Variants in IL1RAPL2 observed in about 807,000 individuals in gnomAD.
IL1RAPL2 encodes X-linked interleukin-1 receptor accessory protein-like 2.
A neutral mutation model predicts 44.1 loss-of-function variants in IL1RAPL2; 3 were observed. That is an observed-to-expected ratio of 0.07 (90% CI 0.03 to 0.18). The LOEUF (loss-of-function observed/expected upper bound fraction) is 0.18. Ranked by LOEUF, IL1RAPL2 falls within the 10% of genes least tolerant of loss-of-function variation. IL1RAPL2 has a pLI of 1.00. For synonymous variants in IL1RAPL2, 181 were observed against 178.8 expected, an observed-to-expected ratio of 1.01 and a Z score of -0.10; for missense variants, 391 against 496.4, an observed-to-expected ratio of 0.79 and a Z score of 2.02.
chrX:105,061,253 T>C (rs1205616260), intron 2 of IL1RAPL2, among the ~76,000 whole-genome samples: 4 of 111,612 alleles, frequency 3.6e-5, no homozygotes, highest in Non-Finnish European at 1.9e-5. Flanking sequence ...TTTTCATTTG[T>C]CTCAAGAAAT....
At chrX:105,320,946 T>C (rs1406595819) in intron 5 of IL1RAPL2, among the ~76,000 whole-genome samples, 2 of 111,409 alleles carry the variant, frequency 1.8e-5, no homozygotes, top group Non-Finnish European at 3.8e-5. Context: ...GGAAAATCTT[T>C]CCAGTCTCTG....
chrX:105,103,867 G>A (rs1166791486), intron 2 of IL1RAPL2, among the ~76,000 whole-genome samples: 1 of 111,924 alleles, frequency 8.9e-6, no homozygotes, highest in Non-Finnish European at 1.9e-5. Flanking sequence ...AGGGTAAGCT[G>A]AAGATAAAGG....
chrX:104,893,500 G>C (rs754737161), intron 2 of IL1RAPL2, among the ~76,000 whole-genome samples: 1 of 111,826 alleles, frequency 8.9e-6, no homozygotes, highest in South Asian at 3.8e-4. Context: ...ATTTAGGATA[G>C]TTAGCTCTTC....
chrX:105,491,720 T>G (rs1163734552), intron 6 of IL1RAPL2, among the ~76,000 whole-genome samples: 2 of 111,996 alleles, frequency 1.8e-5, no homozygotes, highest in Non-Finnish European at 3.8e-5. Flanking sequence ...ATTGCCCAGA[T>G]CATATACCAT....
rs1027425904 is a variant in IL1RAPL2, at chrX:105,199,244, G to A, written c.356+3496G>A. Among the ~76,000 whole-genome samples, 6 of 108,921 alleles carry A rather than the reference G, an allele frequency of 5.5e-5. No individual in the cohort carries two copies. The South Asian group carries it at 1.6e-3, about 28-fold the overall frequency. The allele number at this position is 108,921 out of a possible 115,157, so 94.6% of individuals were successfully genotyped here. On this transcript the variant is annotated intron_variant, in intron 3 of 10. Transcript: ENST00000372582. Reference sequence around the variant, plus strand: ...TGCTCAGATTCTTCCACCTTTGCCCGTGGGAAGCTCTTTCAGTTGGCTCAT... The same window carrying A: ...TGCTCAGATTCTTCCACCTTTGCCCATGGGAAGCTCTTTCAGTTGGCTCAT...
intron 5 of IL1RAPL2, among the ~76,000 whole-genome samples, chrX:105,344,378 T>C (rs1246922875): frequency 8.9e-6 from 1 of 111,876 alleles, no homozygotes; most frequent in Non-Finnish European, 1.9e-5. Context: ...TCTTTGGGAC[T>C]CAGCTTTCCT....
At chrX:105,493,614 G>A (rs2036336535) in intron 6 of IL1RAPL2, among the ~76,000 whole-genome samples, 3 of 110,998 alleles carry the variant, frequency 2.7e-5, no homozygotes, top group Admixed American at 9.6e-5. Flanking sequence ...AAATGGGCTC[G>A]GAGAATTTAT....
intron 2 of IL1RAPL2, among the ~76,000 whole-genome samples, chrX:105,084,465 G>T (rs956920466): frequency 3.5e-5 from 4 of 112,925 alleles, no homozygotes; most frequent in African/African-American, 1.3e-4. Flanking sequence ...TCAGTTCAGC[G>T]TTTTAATATT....
intron 5 of IL1RAPL2, among the ~76,000 whole-genome samples, chrX:105,447,075 TTATATATA>T (rs1205983853): frequency 3.0e-4 from 5 of 16,870 alleles, no homozygotes; most frequent in African/African-American, 3.8e-4. Flanking sequence ...CTGGTTAAAA[TTATATATA>T]TATATATATA....
chrX:104,873,023 T>C (rs1463342337), intron 2 of IL1RAPL2, among the ~76,000 whole-genome samples: 1 of 111,695 alleles, frequency 9.0e-6, no homozygotes, highest in African/African-American at 3.3e-5. Context: ...TATGTGTATA[T>C]AGACACACAC....
chrX:104,612,379 C>A (rs1229035956), intron 1 of IL1RAPL2, among the ~76,000 whole-genome samples: 1 of 111,683 alleles, frequency 9.0e-6, no homozygotes, highest in African/African-American at 3.3e-5. Context: ...GATAGGGGTC[C>A]AGTTTCATTC....
chrX:104,673,465 T>C (rs1930666030), intron 2 of IL1RAPL2, among the ~76,000 whole-genome samples: 1 of 111,495 alleles, frequency 9.0e-6, no homozygotes, highest in South Asian at 3.8e-4. Flanking sequence ...ATATCTCTGT[T>C]TTGGTACAAG....
chrX:105,308,918 A>G (rs2034773132), intron 5 of IL1RAPL2, among the ~76,000 whole-genome samples: 2 of 111,787 alleles, frequency 1.8e-5, no homozygotes, highest in South Asian at 3.7e-4. Flanking sequence ...TGAGAGTTCC[A>G]GTCACTCTAT....
intron 3 of IL1RAPL2, among the ~76,000 whole-genome samples, chrX:105,209,620 A>G (rs2033792099): frequency 8.9e-6 from 1 of 112,005 alleles, no homozygotes; most frequent in South Asian, 3.7e-4. Context: ...TCAAGGGCTC[A>G]AAGGTCAGGT....
chrX:105,443,444 T>C (rs1371782559), intron 5 of IL1RAPL2, among the ~76,000 whole-genome samples: 1 of 111,557 alleles, frequency 9.0e-6, no homozygotes, highest in East Asian at 2.8e-4. Flanking sequence ...CTAGGTCTTA[T>C]TCATCCTTTC....
chrX:105,430,811 T>C (rs775518183), intron 5 of IL1RAPL2, among the ~76,000 whole-genome samples: 1 of 112,029 alleles, frequency 8.9e-6, no homozygotes, highest in African/African-American at 3.2e-5. Flanking sequence ...TGAATTGACC[T>C]ATAGTTTCTT....
At chrX:105,297,204 A>T (rs2034659878) in intron 5 of IL1RAPL2, among the ~76,000 whole-genome samples, 1 of 111,762 alleles carries the variant, frequency 8.9e-6, no homozygotes, top group Admixed American at 9.5e-5. Flanking sequence ...TGTGCTTTGC[A>T]CTTTGGGGGA....
At chrX:104,661,126 C>T (rs1930392667) in intron 2 of IL1RAPL2, among the ~76,000 whole-genome samples, 2 of 111,380 alleles carry the variant, frequency 1.8e-5, no homozygotes, top group African/African-American at 6.5e-5. Context: ...CAAATGGTAT[C>T]ATATCTGCAG....
chrX:104,702,193 TG>T (rs1337232303), intron 2 of IL1RAPL2, among the ~76,000 whole-genome samples: 2 of 112,024 alleles, frequency 1.8e-5, no homozygotes, highest in African/African-American at 6.5e-5. Flanking sequence ...TCATGTTTTT[TG>T]TAAGTGGTCT....
Sources: allele counts gnomAD v4.1 joint callset (sites outside exome capture counted in the v4.1 genomes callset), GRCh38; gene constraint gnomAD v4.1.1; transcripts MANE v1.5; gene names NCBI Gene and HGNC (gene_info 2026-07-23, HGNC 2026-07-21).